Variants in FYB1 observed in about 807,000 individuals in gnomAD.
The protein encoded by FYB1 is FYN-binding protein 1.
FYB1 carries 41 observed loss-of-function variants against 94.1 expected under a neutral mutation model. The ratio of observed to expected loss-of-function variants is 0.44; its 90% CI spans 0.34 to 0.57. The LOEUF (loss-of-function observed/expected upper bound fraction) is 0.57. Ranked by LOEUF, FYB1 falls within the 20% of genes least tolerant of loss-of-function variation. The pLI is 0.02. For synonymous variants in FYB1, 367 were observed against 353.2 expected (o/e 1.04, Z -0.44); for missense variants, 1,050 against 976.8 (o/e 1.07, Z -1.00).
intron 10 of FYB1, 24 bp from the exon 11 acceptor site, chr5:39,127,831 C>G: frequency 1.3e-6 from 2 of 1,579,974 alleles, no homozygotes; most frequent in Non-Finnish European, 1.7e-6. Context: ...GGAGGAAAAT[C>G]TTCTGTTAAT....
intron 2 of FYB1, among the ~76,000 whole-genome samples, chr5:39,168,358 G>A (rs1744930365): frequency 6.6e-6 from 1 of 152,136 alleles, no homozygotes; most frequent in Non-Finnish European, 1.5e-5. Context: ...TTGTTAGCCT[G>A]AGACAAGTAA....
chr5:39,256,448 C>A (rs1022301741), intron 1 of FYB1, among the ~76,000 whole-genome samples: 8 of 152,040 alleles, frequency 5.3e-5, no homozygotes, highest in Admixed American at 3.9e-4. Flanking sequence ...GTTTTCATGC[C>A]GAATTAGCCA....
At chr5:39,245,654 A>G (rs1579774714) in intron 1 of FYB1, among the ~76,000 whole-genome samples, 1 of 150,828 alleles carries the variant, frequency 6.6e-6, no homozygotes, top group South Asian at 2.1e-4. Context: ...GCTGGAGTGC[A>G]GTGATATGAT....
intron 1 of FYB1, among the ~76,000 whole-genome samples, chr5:39,218,379 GTA>G (rs1386105310): frequency 6.6e-6 from 1 of 152,102 alleles, no homozygotes; most frequent in African/African-American, 2.4e-5. Context: ...TGAAGTGTGT[GTA>G]TCTCACATTG....
rs1580329300 is a variant in FYB1 at position 39,126,135 on chromosome 5, G to A, written c.1908C>T (p.Gly636=). 1 of 1,613,014 alleles carries A rather than the reference G, an allele frequency of 6.2e-7. No individual in the cohort carries two copies. The highest frequency in any genetic ancestry group is 2.2e-5 in the East Asian group (1 of 44,844). ...TCTTCTCTTGAACCTGTAGTGTGGA[G>A]CTTTGGAGCATGCAGGCATTGATCA... is the stretch of plus-strand genomic sequence containing the variant. The part of the protein sequence containing the change: ...DGIEEEDADD[G]STLQVQEKSN... The change falls in exon 12 of 19, where the codon GGC becomes GGT. Residue 636 remains glycine, a splice_region_variant and synonymous_variant. Transcript: ENST00000512982.
chr5:39,272,500 T>TAA, intron 1 of FYB1, among the ~76,000 whole-genome samples: 1 of 145,014 alleles, frequency 6.9e-6, no homozygotes, highest in Non-Finnish European at 1.5e-5. Flanking sequence ...CCGTCTCTAC[T>TAA]AAAAAAAAAA....
At chr5:39,175,937 CAGTGACATTCA>C (rs1425813868) in intron 2 of FYB1, among the ~76,000 whole-genome samples, 1 of 151,970 alleles carries the variant, frequency 6.6e-6, no homozygotes, top group Non-Finnish European at 1.5e-5. Context: ...TCCCAGACAT[CAGTGACATTCA>C]AGAATATGGA....
intron 4 of FYB1, 35 bp from the exon 5 acceptor site, chr5:39,139,287 G>A: frequency 7.2e-7 from 1 of 1,396,884 alleles, no homozygotes; most frequent in Non-Finnish European, 9.7e-7. Flanking sequence ...TAATACATTT[G>A]TAATAAGGAA....
At position 39,113,903 on chromosome 5, in the gene FYB1, C is replaced by T. The variant is rs533173927; in HGVS notation, c.2402-3514G>A. ...ATAATACTGAATATAAATTATTATC[C>T]TAGTTTTATAAAAACGTTCACTCTT... On this transcript the variant is annotated intron_variant, in intron 16 of 18. Transcript: ENST00000512982. Among the ~76,000 whole-genome samples the T allele has an allele frequency of 5.3e-5, 8 of 151,932 alleles. No individual in the cohort carries two copies. The East Asian group carries it at 5.8e-4, about 11-fold the overall frequency.
chr5:39,270,924 A>G (rs1441296886), intron 1 of FYB1: 2 of 125,084 alleles, frequency 1.6e-5, no homozygotes, highest in African/African-American at 9.2e-5. Context: ...TTTTGGATAC[A>G]TATGTGTGTG....
intron 12 of FYB1, 160 bp downstream of exon 12, chr5:39,125,838 G>A: frequency 1.6e-6 from 1 of 628,038 alleles, no homozygotes; most frequent in Non-Finnish European, 2.7e-6. Flanking sequence ...GGAGCTTAAA[G>A]GTGACACCAT....
upstream of FYB1, among the ~76,000 whole-genome samples, chr5:39,221,147 T>C (rs897276629): frequency 2.0e-5 from 3 of 152,192 alleles, no homozygotes; most frequent in South Asian, 6.2e-4. Context: ...ATGGGATCTA[T>C]GCAGAAGGGA....
At chr5:39,161,843 C>A (rs1364268291) in intron 2 of FYB1, among the ~76,000 whole-genome samples, 1 of 152,332 alleles carries the variant, frequency 6.6e-6, no homozygotes, top group South Asian at 2.1e-4. Context: ...GGCAGTCACT[C>A]CCCATCCCTA....
chr5:39,219,349 A>T, intron 1 of FYB1, 94 bp downstream of exon 1: 1 of 755,458 alleles, frequency 1.3e-6, no homozygotes, highest in Non-Finnish European at 1.6e-6. Context: ...CAGCTAGCAC[A>T]GTCTGTGCTG....
intron 4 of FYB1, among the ~76,000 whole-genome samples, chr5:39,140,667 T>A: frequency 6.6e-6 from 1 of 152,098 alleles, no homozygotes; most frequent in East Asian, 1.9e-4. Flanking sequence ...TACCAGTGAG[T>A]TTGAGGCAAG....
chr5:39,192,808 A>G (rs1394993052), intron 2 of FYB1, among the ~76,000 whole-genome samples: 5 of 152,262 alleles, frequency 3.3e-5, no homozygotes. Flanking sequence ...TGAAGGTCAA[A>G]TTGAGTGTGC....
rs1300975229 is a variant in FYB1, at chr5:39,106,045, T to C, written c.*1398A>G. 4 of 152,186 alleles carry C rather than the reference T, an allele frequency of 2.6e-5. No individual in the cohort carries two copies. The highest frequency in any genetic ancestry group is 9.6e-5 in the African/African-American group (4 of 41,452). 9.4% of individuals were successfully genotyped at this position (152,186 alleles called of 1,614,324 possible). A position where few individuals can be genotyped will look rare whatever the true frequency, so the allele number is the denominator to read the frequency against. The stretch of plus-strand genomic sequence containing the variant: ...AAACTCCAATGGGCCTTTGCAATAT[T>C]AAAATGTGGAGAATGCATTAATCAT... On this transcript the variant is annotated 3_prime_UTR_variant, in exon 19 of 19. Coordinates refer to ENST00000512982, the MANE Select transcript of FYB1 (RefSeq NM_001465.6).
In FYB1 at chr5:39,199,330, T is replaced by C. The variant is rs78249418; in HGVS notation, c.1135+2496A>G. Among the ~76,000 whole-genome samples the C allele has an allele frequency of 8.8e-3, 1,346 of 152,246 alleles. 18 individuals carry two copies. The highest frequency in any genetic ancestry group is 0.031 in the African/African-American group (1,280 of 41,562). ...ATTACTTAGTATTTCTAGCATTGTT[T>C]AAGAAAAATAGCAGTGGCAGGATCA... On this transcript the variant is annotated intron_variant, in intron 2 of 18. Transcript: ENST00000512982.
intron 1 of FYB1, among the ~76,000 whole-genome samples, chr5:39,238,853 T>C (rs1479746930): frequency 6.6e-6 from 1 of 152,092 alleles, no homozygotes; most frequent in Non-Finnish European, 1.5e-5. Context: ...CACTTCTCCT[T>C]GTCACATGGT....
Sources: allele counts gnomAD v4.1 joint callset (sites outside exome capture counted in the v4.1 genomes callset), GRCh38; gene constraint gnomAD v4.1.1; transcripts MANE v1.5; gene names NCBI Gene and HGNC (gene_info 2026-07-23, HGNC 2026-07-21).